SLC12A2: variants seen among roughly 807,000 people sequenced by gnomAD.
SLC12A2 encodes Na-K-2Cl cotransporter 1.
In SLC12A2, 67 loss-of-function variants were observed where a neutral mutation model predicts 136.3. The observed-to-expected ratio is 0.49, with a 90% CI of 0.40 to 0.60. The LOEUF (loss-of-function observed/expected upper bound fraction) is 0.60. Among genes scored for constraint, SLC12A2 ranks in the 20% least tolerant of loss-of-function variants. SLC12A2 has a pLI of 0.00. For synonymous variants in SLC12A2, 619 were observed against 562.9 expected (o/e 1.10, Z -1.41); for missense variants, 1,322 against 1,534.7 (o/e 0.86, Z 2.32).
At chr5:128,118,817 ACAT>A (rs1448260329) in intron 4 of SLC12A2, among the ~76,000 whole-genome samples, 36 of 152,204 alleles carry the variant, frequency 2.4e-4, no homozygotes, top group Admixed American at 2.2e-3. Flanking sequence ...AATCTGAATC[ACAT>A]TATGCCAATA....
In SLC12A2 at chr5:128,131,152, T is replaced by C; in HGVS notation, c.1134T>C (p.Val378=). 3 of 1,614,182 alleles carry C rather than the reference T, an allele frequency of 1.9e-6. No homozygotes were observed. The highest frequency in any genetic ancestry group is 4.5e-5 in the East Asian group (2 of 44,884). ...TAATCTTCGCCTTTGCCAACGCTGT[T>C]GCAGTTGCTATGTATGTGGTTGGAT... ...IGLIFAFANA[V]AVAMYVVGFA... Residue 378 remains valine, a synonymous_variant, in exon 5 of 27, where the codon GTT becomes GTC. Transcript: ENST00000262461.
chr5:128,169,767 G>T (rs6881012), intron 18 of SLC12A2: 1 of 152,070 alleles, frequency 6.6e-6, no homozygotes, highest in Non-Finnish European at 1.5e-5. Flanking sequence ...AATAGAAAAA[G>T]TGACATTTTT....
At position 128,178,547 on chromosome 5, in the gene SLC12A2, T is replaced by C; in HGVS notation, c.2978-20T>C. Reference sequence around the variant, plus strand: ...TAATATTTACTTTGCTTACATTTTATATTTTGCTTAATCCTTTAGAATCCA... The same window carrying C: ...TAATATTTACTTTGCTTACATTTTACATTTTGCTTAATCCTTTAGAATCCA... On this transcript the variant is annotated intron_variant, in intron 21 of 26. Coordinates refer to ENST00000262461, the MANE Select transcript of SLC12A2 (RefSeq NM_001046.3). 6.6e-7 allele frequency: 1 copy of C among 1,524,180 alleles called. No homozygotes were observed. Among genetic ancestry groups the C allele is most frequent in the South Asian group, 1.3e-5 (1 of 76,920 alleles). 94.4% of individuals were successfully genotyped at this position (1,524,180 alleles called of 1,614,324 possible).
At chr5:128,177,650 T>C (rs1317597734) in intron 21 of SLC12A2, 2 of 153,154 alleles carry the variant, frequency 1.3e-5, no homozygotes, top group Admixed American at 6.5e-5. Context: ...GTGAGAGTTA[T>C]GGAGCAGTGT....
rs1763250413 is a variant in SLC12A2 at position 128,167,839 on chromosome 5, G to C, written c.2695G>C (p.Asp899His). The C allele has an allele frequency of 1.3e-6, 2 of 1,599,940 alleles. No homozygotes were observed. Among genetic ancestry groups the C allele is most frequent in the Middle Eastern group, 1.7e-4 (1 of 6,002 alleles). ...KKDWLQADMRDVDMYINLFHD... is the reference protein window; with the variant it reads ...KKDWLQADMRHVDMYINLFHD... ...AGATTGGTTGCAAGCAGATATGAGG[G>C]ATGTGGATATGTATATAAACTTATT... is the stretch of plus-strand genomic sequence containing the variant. The change falls in exon 18 of 27, where the codon GAT (aspartate) becomes CAT (histidine). Residue 899 changes from aspartate (D) to histidine (H), a missense_variant. Around this residue, in one of 8 missense-constraint regions of SLC12A2, gnomAD observed 226 missense variants for 210.4 expected, o/e 1.07. Coordinates refer to ENST00000262461, the MANE Select transcript of SLC12A2 (RefSeq NM_001046.3).
chr5:128,178,367 A>T, intron 21 of SLC12A2, 200 bp from the exon 22 acceptor site: 1 of 339,450 alleles, frequency 2.9e-6, no homozygotes. Context: ...TATTGTAAAG[A>T]GTTATTTCTC....
chr5:128,093,278 G>A (rs1054078114), intron 1 of SLC12A2, among the ~76,000 whole-genome samples: 3 of 151,854 alleles, frequency 2.0e-5, no homozygotes, highest in Non-Finnish European at 4.4e-5. Context: ...CTTTGCAGTC[G>A]CCTCCTTCTC....
At chr5:128,178,717 T>G (rs1452236831) in intron 22 of SLC12A2, 28 bp downstream of exon 22, 2 of 1,502,670 alleles carry the variant, frequency 1.3e-6, no homozygotes, top group Non-Finnish European at 1.8e-6. Flanking sequence ...TTTAAAATGA[T>G]TTTAAATTTA....
chr5:128,119,992 G>T (rs1761494272), intron 4 of SLC12A2, among the ~76,000 whole-genome samples: 1 of 151,728 alleles, frequency 6.6e-6, no homozygotes, highest in Non-Finnish European at 1.5e-5. Context: ...AATCTACAAT[G>T]AACTCAAACA....
Position 128,135,567 on chromosome 5 carries a change from T to C in SLC12A2, c.1300-133T>C, listed in dbSNP as rs568900988. On this transcript the variant is annotated intron_variant, in intron 6 of 26. Transcript: ENST00000262461. ...TGAGCAGCTGCTTGGCATATGGCAT[T>C]GTTTAAGGCACTGGGGAATCAGGCA... 40 of 590,970 alleles carry C rather than the reference T, an allele frequency of 6.8e-5. No individual in the cohort carries two copies. In the South Asian group the frequency reaches 8.9e-4, roughly 13 times the overall value. 36.6% of individuals were successfully genotyped at this position (590,970 alleles called of 1,614,324 possible).
chr5:128,149,756 A>G (rs1170196765), intron 12 of SLC12A2, among the ~76,000 whole-genome samples: 1 of 151,914 alleles, frequency 6.6e-6, no homozygotes, highest in Admixed American at 6.6e-5. Flanking sequence ...ATGACTGGAC[A>G]GAATATACCA....
intron 19 of SLC12A2, 26 bp from the exon 20 acceptor site, chr5:128,174,515 T>G: frequency 6.5e-7 from 1 of 1,549,712 alleles, no homozygotes. Flanking sequence ...ACTTAGATAC[T>G]ATTTTAAATA....
chr5:128,138,378 A>G (rs1415008417), intron 7 of SLC12A2, among the ~76,000 whole-genome samples: 1 of 152,232 alleles, frequency 6.6e-6, no homozygotes, highest in Admixed American at 6.5e-5. Flanking sequence ...GTATACAAAA[A>G]ATGAGACATG....
chr5:128,143,284 A>G (rs755344263), intron 10 of SLC12A2, among the ~76,000 whole-genome samples: 56 of 152,194 alleles, frequency 3.7e-4, no homozygotes, highest in Non-Finnish European at 7.9e-4. Flanking sequence ...TGGCCTTTAA[A>G]AAAGCATTGA....
Position 128,158,169 on chromosome 5 carries a change from G to A in SLC12A2, c.2475+5G>A. On this transcript the variant is annotated splice_donor_5th_base_variant and intron_variant, in intron 16 of 26. Coordinates refer to ENST00000262461, the MANE Select transcript of SLC12A2 (RefSeq NM_001046.3). ...ATCTGTGGCCATGTACATATGGTAAGTATCAATTTTGTTTTCTTTTTCAAG... is the reference window on the plus strand; with the variant it reads ...ATCTGTGGCCATGTACATATGGTAAATATCAATTTTGTTTTCTTTTTCAAG... 3.8e-6 allele frequency: 6 copies of A among 1,587,130 alleles called. No homozygotes were observed. The highest frequency in any genetic ancestry group is 5.1e-6 in the Non-Finnish European group (6 of 1,167,822).
intron 1 of SLC12A2, among the ~76,000 whole-genome samples, chr5:128,099,743 C>A (rs1258786217): frequency 3.3e-5 from 5 of 152,088 alleles, no homozygotes; most frequent in African/African-American, 1.2e-4. Flanking sequence ...GACACAAGCA[C>A]ACACATTAGC....
At chr5:128,174,519 T>G in intron 19 of SLC12A2, 22 bp from the exon 20 acceptor site, 1 of 1,564,210 alleles carries the variant, frequency 6.4e-7, no homozygotes, top group Non-Finnish European at 8.7e-7. Flanking sequence ...AGATACTATT[T>G]TAAATAATTT....
In SLC12A2 at chr5:128,109,535, C is replaced by T. The variant is rs1761068032; in HGVS notation, c.757-3279C>T. The T allele has an allele frequency of 6.0e-6, 4 of 664,050 alleles. No homozygotes were observed. The Admixed American group carries it at 6.3e-5, about 10-fold the overall frequency. The allele number at this position is 664,050 out of a possible 1,614,324, so 41.1% of individuals were successfully genotyped here. On this transcript the variant is annotated intron_variant, in intron 1 of 26. Coordinates refer to ENST00000262461, the MANE Select transcript of SLC12A2 (RefSeq NM_001046.3). ...TGCTTCTTTCTGGGGACAGTTCCAG[C>T]ACTTGCTGGGTGGAGAAAGGCAGCT...
chr5:128,155,393 C>T (rs1014428627), intron 15 of SLC12A2, among the ~76,000 whole-genome samples: 44 of 152,030 alleles, frequency 2.9e-4, no homozygotes, highest in African/African-American at 1.0e-3. Flanking sequence ...CCTTTATACC[C>T]CATCCTCCCA....
Sources: gnomAD v4.1 joint callset for allele counts (sites outside exome capture counted in the v4.1 genomes callset) on GRCh38, gnomAD v4.1.1 for gene constraint, gnomAD v4.1.1 regional missense constraint, MANE v1.5 for transcripts, NCBI Gene and HGNC (gene_info 2026-07-23, HGNC 2026-07-21) for gene names.